Variants in TRAF5 observed in about 807,000 individuals in gnomAD.
The protein encoded by TRAF5 is TNF receptor associated factor 5.
Under a neutral mutation model 64.5 loss-of-function variants are expected in TRAF5, and 48 were observed. The ratio of observed to expected loss-of-function variants is 0.74; its 90% confidence interval spans 0.59 to 0.95. The LOEUF is 0.95. Among genes scored for constraint, TRAF5 ranks in the 40% least tolerant of loss-of-function variants. TRAF5 has a pLI of 0.00. For missense variants in TRAF5, 545 were observed against 662.8 expected (o/e 0.82, Z 1.95); for synonymous variants, 206 against 240.5 (o/e 0.86, Z 1.33).
Position 211,353,227 on chromosome 1 carries a change from T to C in TRAF5, c.-1-12T>C. 6.2e-7 allele frequency: 1 copy of C among 1,613,932 alleles called. No individual in the cohort carries two copies. Among genetic ancestry groups the C allele is most frequent in the Non-Finnish European group, 8.5e-7 (1 of 1,179,828 alleles). On this transcript the variant is annotated splice_polypyrimidine_tract_variant and intron_variant, in intron 1 of 10. Transcript: ENST00000261464. ...ACACTTAATTTTCCCTCTCCTCCCC[T>C]GACCTCTGCAGAATGGCTTATTCAG...
At chr1:211,343,733 C>G (rs7512718) in intron 1 of TRAF5, among the ~76,000 whole-genome samples, 1 of 152,162 alleles carries the variant, frequency 6.6e-6, no homozygotes, top group African/African-American at 2.4e-5. Context: ...CTGCCTCAAT[C>G]GGAACTCTCC....
At chr1:211,346,076 G>A (rs1417029149) in intron 1 of TRAF5, among the ~76,000 whole-genome samples, 1 of 152,184 alleles carries the variant, frequency 6.6e-6, no homozygotes, top group Non-Finnish European at 1.5e-5. Context: ...TAGAACTTTT[G>A]TGATAGCAGG....
intron 1 of TRAF5, among the ~76,000 whole-genome samples, chr1:211,329,686 G>A (rs1702108037): frequency 6.6e-6 from 1 of 152,202 alleles, no homozygotes; most frequent in African/African-American, 2.4e-5. Context: ...TCACTGATCA[G>A]GGGTCAGTGT....
intron 1 of TRAF5, among the ~76,000 whole-genome samples, chr1:211,344,638 G>T (rs111555578): frequency 4.3e-4 from 66 of 152,196 alleles, no homozygotes; most frequent in Admixed American, 1.1e-3. Context: ...TTGAGGGAAG[G>T]CCTCTTTAGG....
intron 5 of TRAF5, chr1:211,360,421 CT>C: frequency 2.0e-6 from 1 of 499,254 alleles, no homozygotes; most frequent in Non-Finnish European, 3.5e-6. Flanking sequence ...GCATGGGTAC[CT>C]TTTACATGTC....
In TRAF5 at chr1:211,371,282, T is replaced by G. The variant is rs1241478196; in HGVS notation, c.931-20T>G. ...TATTAACTAATTTTTTAAACATGAT[T>G]ATCCATTTTGTAATGAAAGGTTTTT... On this transcript the variant is annotated intron_variant, in intron 9 of 10. Transcript: ENST00000261464. The G allele has an allele frequency of 3.8e-6, 6 of 1,563,414 alleles. No individual in the cohort carries two copies. Among genetic ancestry groups the G allele is most frequent in the Non-Finnish European group, 5.2e-6 (6 of 1,163,276 alleles).
intron 1 of TRAF5, among the ~76,000 whole-genome samples, chr1:211,335,908 A>G (rs1345237239): frequency 1.3e-5 from 2 of 152,082 alleles, no homozygotes; most frequent in African/African-American, 4.8e-5. Flanking sequence ...GGGGCAGAGC[A>G]GGGGCCCCAT....
At chr1:211,339,479 C>T (rs1004150814) in intron 1 of TRAF5, among the ~76,000 whole-genome samples, 1 of 152,194 alleles carries the variant, frequency 6.6e-6, no homozygotes, top group Non-Finnish European at 1.5e-5. Flanking sequence ...CACTGTGAAA[C>T]AGTGAAACCC....
At chr1:211,360,647 C>A in intron 5 of TRAF5, 55 bp from the exon 6 acceptor site, 1 of 1,372,930 alleles carries the variant, frequency 7.3e-7, no homozygotes, top group Non-Finnish European at 1.0e-6. Context: ...CAGGTGTAAT[C>A]ACTGTGAGGC....
chr1:211,360,352 G>A (rs1703134416), intron 5 of TRAF5: 2 of 499,882 alleles, frequency 4.0e-6, no homozygotes, highest in Non-Finnish European at 7.1e-6. Flanking sequence ...TGACAATAAT[G>A]TCTACTCTCT....
rs1425075213 is a variant in TRAF5, at chr1:211,372,678, C to G, written c.1650C>G (p.Asp550Glu). 6.2e-7 allele frequency: 1 copy of G among 1,614,136 alleles called. No individual in the cohort carries two copies. The highest frequency in any genetic ancestry group is 2.2e-5 in the East Asian group (1 of 44,892). Residue 550 changes from aspartate to glutamate, a missense_variant, in exon 11 of 11, where the codon GAC becomes GAG. Coordinates refer to ENST00000261464, the MANE Select transcript of TRAF5 (RefSeq NM_001033910.3). ...CTCTGTTCTTGAAAGTGGCCGTGGA[C>G]TTAACTGACCTGGAGGATCTCTAGT... The part of the protein sequence containing the change: ...DDTLFLKVAV[D>E]LTDLEDL
intron 1 of TRAF5, among the ~76,000 whole-genome samples, chr1:211,351,526 A>G (rs1702787345): frequency 6.6e-6 from 1 of 152,072 alleles, no homozygotes; most frequent in African/African-American, 2.4e-5. Context: ...ATTTGTGTGC[A>G]AGGAGTCATT....
At chr1:211,360,925 T>C (rs1375340948) in intron 6 of TRAF5, 146 bp downstream of exon 6, 9 of 1,007,466 alleles carry the variant, frequency 8.9e-6, no homozygotes, top group African/African-American at 3.2e-5. Flanking sequence ...TCCCTTCTCT[T>C]TTTCCTGCGA....
chr1:211,347,549 G>T (rs1287034501), intron 1 of TRAF5, among the ~76,000 whole-genome samples: 1 of 152,236 alleles, frequency 6.6e-6, no homozygotes, highest in Non-Finnish European at 1.5e-5. Flanking sequence ...ATTAGAGAGT[G>T]AACAAGGTCA....
At position 211,372,742 on chromosome 1, in the gene TRAF5, A is replaced by G; in HGVS notation, c.*40A>G. Reference sequence around the variant, plus strand: ...TGATAAGAGGACTTCTTGGGGCCAGAACTGTGGAGGAGAGCACATTTGATT... The same window carrying G: ...TGATAAGAGGACTTCTTGGGGCCAGGACTGTGGAGGAGAGCACATTTGATT... On this transcript the variant is annotated 3_prime_UTR_variant, in exon 11 of 11. Transcript: ENST00000261464. The G allele has an allele frequency of 6.4e-7, 1 of 1,553,802 alleles. No homozygotes were observed. Among genetic ancestry groups the G allele is most frequent in the Non-Finnish European group, 8.8e-7 (1 of 1,131,262 alleles).
intron 1 of TRAF5, among the ~76,000 whole-genome samples, chr1:211,349,050 A>AAG (rs908650013): frequency 6.6e-6 from 1 of 150,804 alleles, no homozygotes; most frequent in African/African-American, 2.4e-5. Context: ...AAAAAAAAAA[A>AAG]AAAAAAAATT....
chr1:211,370,918 C>G (rs1397947700), intron 9 of TRAF5, among the ~76,000 whole-genome samples: 1 of 152,136 alleles, frequency 6.6e-6, no homozygotes, highest in African/African-American at 2.4e-5. Flanking sequence ...CATTCTCCAC[C>G]TTCTAGCAGA....
intron 1 of TRAF5, among the ~76,000 whole-genome samples, chr1:211,341,632 CG>C (rs1370388619): frequency 1.3e-5 from 2 of 151,964 alleles, no homozygotes; most frequent in Admixed American, 1.3e-4. Flanking sequence ...GTGTTTCCAT[CG>C]GGCATTGCTC....
chr1:211,331,708 C>T (rs925300508), intron 1 of TRAF5, among the ~76,000 whole-genome samples: 1 of 152,018 alleles, frequency 6.6e-6, no homozygotes, highest in African/African-American at 2.4e-5. Context: ...TCTTGTTGCC[C>T]AGGCTGTAGT....
Sources: gnomAD v4.1 joint callset for allele counts (sites outside exome capture counted in the v4.1 genomes callset) on GRCh38, gnomAD v4.1.1 for gene constraint, MANE v1.5 for transcripts, NCBI Gene and HGNC (gene_info 2026-07-23, HGNC 2026-07-21) for gene names.